Variants in PIK3R1 observed in about 807,000 individuals in gnomAD.
PIK3R1 encodes the protein phosphoinositide-3-kinase regulatory subunit 1.
PIK3R1 carries 29 observed loss-of-function variants against 98.0 expected under a neutral mutation model. The ratio of observed to expected loss-of-function variants is 0.30; its 90% CI spans 0.22 to 0.40. The LOEUF (loss-of-function observed/expected upper bound fraction) is 0.40. Among genes scored for constraint, PIK3R1 ranks in the 10% least tolerant of loss-of-function variants. The pLI, the probability that PIK3R1 is intolerant of heterozygous loss-of-function variation, is 1.00. For synonymous variants in PIK3R1, 282 were observed against 311.8 expected, an observed-to-expected ratio of 0.90 and a Z score of 1.01; for missense variants, 596 against 872.7, an observed-to-expected ratio of 0.68 and a Z score of 3.99.
chr5:68,242,657 C>T (rs996629947), intron 2 of PIK3R1, among the ~76,000 whole-genome samples: 1 of 152,202 alleles, frequency 6.6e-6, no homozygotes, highest in African/African-American at 2.4e-5. Context: ...TGGAAATTCA[C>T]ACCTGTGAAA....
At chr5:68,276,868 CGTT>C (rs1223755461) in intron 4 of PIK3R1, among the ~76,000 whole-genome samples, 1 of 152,140 alleles carries the variant, frequency 6.6e-6, no homozygotes, top group Non-Finnish European at 1.5e-5. Context: ...ACATTTAACA[CGTT>C]GTATGTGCTG....
chr5:68,285,252 C>T (rs1490849127), intron 7 of PIK3R1, among the ~76,000 whole-genome samples: 1 of 152,204 alleles, frequency 6.6e-6, no homozygotes, highest in Non-Finnish European at 1.5e-5. Flanking sequence ...TGCCCTTCTA[C>T]ACCTGTCAAA....
At chr5:68,239,395 C>T (rs1024860039) in intron 2 of PIK3R1, among the ~76,000 whole-genome samples, 2 of 152,078 alleles carry the variant, frequency 1.3e-5, no homozygotes, top group Non-Finnish European at 2.9e-5. Context: ...TATGTATGTA[C>T]GTATATACAC....
At chr5:68,255,099 A>G (rs1331371760) in intron 2 of PIK3R1, among the ~76,000 whole-genome samples, 1 of 152,232 alleles carries the variant, frequency 6.6e-6, no homozygotes, top group Non-Finnish European at 1.5e-5. Flanking sequence ...GGGTTGCTCC[A>G]GGGCTTTATT....
intron 2 of PIK3R1, among the ~76,000 whole-genome samples, chr5:68,245,994 G>T (rs565476286): frequency 3.3e-5 from 5 of 152,336 alleles, no homozygotes; most frequent in African/African-American, 1.2e-4. Context: ...GAAGGTGACA[G>T]TGAATTTGCT....
chr5:68,239,033 G>A (rs1006607048), intron 2 of PIK3R1, among the ~76,000 whole-genome samples: 2 of 151,822 alleles, frequency 1.3e-5, no homozygotes, highest in African/African-American at 4.8e-5. Flanking sequence ...AAAAGATGGT[G>A]ACTTAAGAAC....
intron 2 of PIK3R1, among the ~76,000 whole-genome samples, chr5:68,248,991 G>T (rs1374287635): frequency 6.6e-6 from 1 of 152,178 alleles, no homozygotes; most frequent in African/African-American, 2.4e-5. Flanking sequence ...ACATAGTATT[G>T]CAGCGTGATT....
At chr5:68,235,101 T>C (rs1339337603) in intron 2 of PIK3R1, among the ~76,000 whole-genome samples, 1 of 152,128 alleles carries the variant, frequency 6.6e-6, no homozygotes, top group African/African-American at 2.4e-5. Context: ...TTTTATTCTA[T>C]TTAAAAAAAT....
rs564936164 is a variant in PIK3R1 at position 68,281,822 on chromosome 5, T to G, written c.916+816T>G. Reference sequence around the variant, plus strand: ...ATATATGCAGATTACCATATTTATCTCTGTATGAGCAGGCATGGGGACTCA... The same window carrying G: ...ATATATGCAGATTACCATATTTATCGCTGTATGAGCAGGCATGGGGACTCA... On this transcript the variant is annotated intron_variant, in intron 7 of 15. Transcript: ENST00000521381. Among the ~76,000 whole-genome samples, 10 of 152,346 alleles carry G rather than the reference T, an allele frequency of 6.6e-5. No individual in the cohort carries two copies. The South Asian group carries it at 1.2e-3, about 19-fold the overall frequency.
chr5:68,226,035 CCACATTATCAGCGATAATGT>C (rs1178924754), intron 1 of PIK3R1, among the ~76,000 whole-genome samples: 6 of 152,180 alleles, frequency 3.9e-5, no homozygotes, highest in East Asian at 3.9e-4. Context: ...GTACTCTGAG[CCACATTATCAGCGATAATGT>C]CACATTATCG....
intron 2 of PIK3R1, among the ~76,000 whole-genome samples, chr5:68,262,623 A>ATGTATACACATGTATACACATGTATC (rs1745835386): frequency 7.9e-6 from 1 of 127,294 alleles, no homozygotes; most frequent in Non-Finnish European, 1.7e-5. Context: ...ACACATGTAG[A>ATGTATACACATGTATACACATGTATC]TGCATGTATA....
At chr5:68,264,266 C>CT (rs1746029418) in intron 2 of PIK3R1, among the ~76,000 whole-genome samples, 1 of 152,212 alleles carries the variant, frequency 6.6e-6, no homozygotes. Flanking sequence ...AAATGCACCT[C>CT]TTGTCACTAA....
intron 4 of PIK3R1, among the ~76,000 whole-genome samples, chr5:68,277,262 TTTTA>T (rs1167048995): frequency 6.6e-6 from 1 of 152,090 alleles, no homozygotes; most frequent in Non-Finnish European, 1.5e-5. Context: ...ACACACACAA[TTTTA>T]TTTGACAGTA....
chr5:68,267,761 A>G (rs1746184259), intron 2 of PIK3R1, among the ~76,000 whole-genome samples: 1 of 131,022 alleles, frequency 7.6e-6, no homozygotes, highest in Admixed American at 7.1e-5. Context: ...TCTCAAATAT[A>G]TTAGTATTGT....
chr5:68,285,441 AATGTGGT>A (rs1467211584), intron 7 of PIK3R1, among the ~76,000 whole-genome samples: 2 of 152,206 alleles, frequency 1.3e-5, no homozygotes, highest in Admixed American at 1.3e-4. Context: ...ATTGGTTTAA[AATGTGGT>A]CTGACATTAG....
intron 2 of PIK3R1, among the ~76,000 whole-genome samples, chr5:68,268,165 C>T (rs1285405902): frequency 6.6e-6 from 1 of 152,164 alleles, no homozygotes. Context: ...TTCAAGTTAA[C>T]TAACTTGCCC....
chr5:68,255,844 T>C (rs940385588), intron 2 of PIK3R1, among the ~76,000 whole-genome samples: 7 of 152,240 alleles, frequency 4.6e-5, no homozygotes, highest in Non-Finnish European at 5.9e-5. Context: ...TGGTGATTAT[T>C]TGGGGCTTTG....
chr5:68,256,870 C>G (rs1401388518), intron 2 of PIK3R1, among the ~76,000 whole-genome samples: 1 of 152,188 alleles, frequency 6.6e-6, no homozygotes, highest in African/African-American at 2.4e-5. Flanking sequence ...AGTACATTCA[C>G]CTGGCCAGTT....
chr5:68,298,949 A>G lies in PIK3R1; in HGVS notation c.*1348A>G, dbSNP rs766517372. On this transcript the variant is annotated 3_prime_UTR_variant, in exon 16 of 16. Coordinates refer to ENST00000521381, the MANE Select transcript of PIK3R1 (RefSeq NM_181523.3). ...GGTTATATGCACTTTCTCATGATTTACAGAGAAGTGAATAACTGCAAAGTG... is the reference window on the plus strand; with the variant it reads ...GGTTATATGCACTTTCTCATGATTTGCAGAGAAGTGAATAACTGCAAAGTG... 21 of 233,448 alleles carry G rather than the reference A, an allele frequency of 9.0e-5. No individual in the cohort carries two copies. Among genetic ancestry groups the G allele is most frequent in the Non-Finnish European group, 1.4e-4 (17 of 117,946 alleles). The allele number at this position is 233,448 out of a possible 1,614,324, so 14.5% of individuals were successfully genotyped here.
Sources: allele counts gnomAD v4.1 joint callset (sites outside exome capture counted in the v4.1 genomes callset), GRCh38; gene constraint gnomAD v4.1.1; transcripts MANE v1.5; gene names NCBI Gene and HGNC (gene_info 2026-07-23, HGNC 2026-07-21).